Variants in TRIO observed in about 807,000 individuals in gnomAD.
TRIO encodes the protein triple functional domain protein.
Under a neutral mutation model 351.9 loss-of-function variants are expected in TRIO, and 58 were observed. That is an observed-to-expected ratio of 0.16 (90% CI 0.13 to 0.21). The LOEUF (loss-of-function observed/expected upper bound fraction) is 0.21. Ranked by LOEUF, TRIO falls within the 10% of genes least tolerant of loss-of-function variation. The pLI is 1.00. For synonymous variants in TRIO, 1,758 were observed against 1,595.7 expected (o/e 1.10, Z -2.42); for missense variants, 3,201 against 4,027.8 (o/e 0.79, Z 5.56).
rs969771907 is a variant in TRIO, at chr5:14,485,056, T to G, written c.6658-13T>G. The G allele has an allele frequency of 5.9e-6, 9 of 1,531,704 alleles. No homozygotes were observed. Among genetic ancestry groups the G allele is most frequent in the African/African-American group, 4.2e-5 (3 of 71,786 alleles). The allele number at this position is 1,531,704 out of a possible 1,614,324, so 94.9% of individuals were successfully genotyped here. A position where few individuals can be genotyped will look rare whatever the true frequency, so the allele number is the denominator to read the frequency against. The stretch of plus-strand genomic sequence containing the variant: ...CTGTTAGCTATTATGAATAATGTTT[T>G]TTTTTTTTTAAGGTGAGTTGCCTTT... On this transcript the variant is annotated splice_polypyrimidine_tract_variant and intron_variant, in intron 46 of 56. Coordinates refer to ENST00000344204, the MANE Select transcript of TRIO (RefSeq NM_007118.4).
intron 33 of TRIO, among the ~76,000 whole-genome samples, chr5:14,408,184 G>A (rs568342705): frequency 2.0e-5 from 3 of 152,310 alleles, no homozygotes; most frequent in African/African-American, 7.2e-5. Flanking sequence ...ACATCTTTTA[G>A]TCCCAGACTG....
At chr5:14,437,188 T>A (rs32693) in intron 34 of TRIO, among the ~76,000 whole-genome samples, 76,368 of 151,994 alleles carry the variant, frequency 0.5, 22,276 homozygotes, top group African/African-American at 0.81. Context: ...CCTGTTTGGA[T>A]ATTGAATTTT....
At chr5:14,502,026 A>G (rs781258556) in intron 53 of TRIO, among the ~76,000 whole-genome samples, 4 of 152,212 alleles carry the variant, frequency 2.6e-5, no homozygotes, top group Non-Finnish European at 5.9e-5. Flanking sequence ...GCACTTTTAT[A>G]ATAAAATCCT....
At chr5:14,370,997 G>T (rs984190054) in intron 18 of TRIO, among the ~76,000 whole-genome samples, 2 of 152,140 alleles carry the variant, frequency 1.3e-5, no homozygotes, top group Non-Finnish European at 2.9e-5. Flanking sequence ...GTGTCAGTGC[G>T]CTGTGCATTG....
intron 21 of TRIO, among the ~76,000 whole-genome samples, chr5:14,385,249 G>A (rs879672775): frequency 2.0e-5 from 3 of 152,210 alleles, no homozygotes; most frequent in Non-Finnish European, 2.9e-5. Context: ...TGTGTGTTAC[G>A]GCAGCAGCAC....
At chr5:14,498,893 G>A (rs546523910) in intron 53 of TRIO, 38 of 417,064 alleles carry the variant, frequency 9.1e-5, no homozygotes, top group Non-Finnish European at 1.6e-4. Context: ...GAGGATGGGG[G>A]CCTGCCTGGT....
chr5:14,417,136 G>A (rs1749714929), intron 33 of TRIO, among the ~76,000 whole-genome samples: 1 of 152,202 alleles, frequency 6.6e-6, no homozygotes, highest in Admixed American at 6.5e-5. Flanking sequence ...TCTTTTCCAG[G>A]CTGGGCCTCT....
chr5:14,321,163 G>T (rs1016063863), intron 9 of TRIO, among the ~76,000 whole-genome samples: 4 of 152,240 alleles, frequency 2.6e-5, no homozygotes, highest in Non-Finnish European at 4.4e-5. Context: ...CGTGGAAGAG[G>T]TAGAGTTTGA....
chr5:14,445,793 G>A (rs1239662379), intron 34 of TRIO, among the ~76,000 whole-genome samples: 3 of 152,194 alleles, frequency 2.0e-5, no homozygotes, highest in Admixed American at 6.5e-5. Flanking sequence ...AGAAGCAGGC[G>A]TGCAGTTGAG....
At chr5:14,454,989 T>TGAATCTCTTGTCCAGAGTTGTTC (rs1753156718) in intron 34 of TRIO, among the ~76,000 whole-genome samples, 2 of 151,368 alleles carry the variant, frequency 1.3e-5, no homozygotes, top group African/African-American at 4.9e-5. Context: ...TGGAGTTGTT[T>TGAATCTCTTGTCCAGAGTTGTTC]GTATCTCTTG....
At position 14,495,658 on chromosome 5, in the gene TRIO, G is replaced by GAAAAAAAA. The variant is rs56018324; in HGVS notation, c.7881-1200_7881-1193dup. ...ACATAGTGAAACCCCGTCTCTACTA[G>GAAAAAAAA]AAAAAAAAAAAAAAAAAAAAAAAAA... On this transcript the variant is annotated intron_variant, in intron 49 of 56. Coordinates refer to ENST00000344204, the MANE Select transcript of TRIO (RefSeq NM_007118.4). 1.8e-4 allele frequency among the ~76,000 whole-genome samples: 6 copies of GAAAAAAAA among 32,596 alleles called. 2 individuals are homozygous for GAAAAAAAA. The highest frequency in any genetic ancestry group is 6.4e-4 in the African/African-American group (6 of 9,346). 21.4% of individuals were successfully genotyped at this position (32,596 alleles called of 152,430 possible).
chr5:14,423,809 C>T (rs1470478975), intron 34 of TRIO, among the ~76,000 whole-genome samples: 1 of 152,094 alleles, frequency 6.6e-6, no homozygotes, highest in Non-Finnish European at 1.5e-5. Flanking sequence ...TTCCGTCACC[C>T]TCCCCACTCA....
At chr5:14,204,395 C>A (rs1036524822) in intron 1 of TRIO, among the ~76,000 whole-genome samples, 5 of 152,010 alleles carry the variant, frequency 3.3e-5, no homozygotes, top group African/African-American at 1.2e-4. Flanking sequence ...TGTGAACTTA[C>A]TCCTTTTTTG....
In TRIO at chr5:14,486,634, G is replaced by A. The variant is rs74737386; in HGVS notation, c.6836-830G>A. ...AGAATGAACTGCCCCCAGATTGCAC[G>A]CATGGTCTGTGATGTCAGAGTTTAC... On this transcript the variant is annotated intron_variant, in intron 47 of 56. Transcript: ENST00000344204. Among the ~76,000 whole-genome samples, 11 of 152,232 alleles carry A rather than the reference G, an allele frequency of 7.2e-5. No individual in the cohort carries two copies. The South Asian group carries it at 1.9e-3, about 26-fold the overall frequency.
chr5:14,389,248 G>C (rs1166915357), intron 24 of TRIO, 41 bp from the exon 25 acceptor site: 5 of 1,460,604 alleles, frequency 3.4e-6, no homozygotes, highest in Non-Finnish European at 3.7e-6. Flanking sequence ...TTGAAAATAT[G>C]GTGATTATTT....
intron 11 of TRIO, among the ~76,000 whole-genome samples, chr5:14,349,994 G>T (rs1742904130): frequency 6.6e-6 from 1 of 152,192 alleles, no homozygotes; most frequent in South Asian, 2.1e-4. Context: ...TTCTGTTCAT[G>T]CATTAGTTTG....
At chr5:14,495,151 A>G (rs1017937873) in intron 49 of TRIO, among the ~76,000 whole-genome samples, 2 of 152,218 alleles carry the variant, frequency 1.3e-5, no homozygotes, top group African/African-American at 4.8e-5. Context: ...AGTGAAGGAA[A>G]TAACTCAGAT....
chr5:14,447,323 T>C (rs1752511532), intron 34 of TRIO, among the ~76,000 whole-genome samples: 1 of 152,228 alleles, frequency 6.6e-6, no homozygotes, highest in Non-Finnish European at 1.5e-5. Context: ...TTATTAAAAT[T>C]AGTATGTTGT....
chr5:14,421,281 A>C (rs1453223046), intron 34 of TRIO, among the ~76,000 whole-genome samples: 1 of 96,292 alleles, frequency 1.0e-5, no homozygotes, highest in Non-Finnish European at 2.4e-5. Context: ...ATTTTATTTT[A>C]TTTTTTCCTG....
Sources: allele counts gnomAD v4.1 joint callset (sites outside exome capture counted in the v4.1 genomes callset), GRCh38; gene constraint gnomAD v4.1.1; transcripts MANE v1.5; gene names NCBI Gene and HGNC (gene_info 2026-07-23, HGNC 2026-07-21).